COL27A1: variants seen among roughly 807,000 people sequenced by gnomAD.
COL27A1 encodes collagen alpha-1(XXVII) chain.
COL27A1 carries 106 observed loss-of-function variants against 251.3 expected under a neutral mutation model. The observed-to-expected ratio is 0.42, with a 90% CI of 0.36 to 0.50. The LOEUF (loss-of-function observed/expected upper bound fraction) is 0.50, where lower values mean the gene tolerates loss of function less well. Among genes scored for constraint, COL27A1 ranks in the 20% least tolerant of loss-of-function variants. The pLI is 0.00. For missense variants in COL27A1, 2,325 were observed against 2,522.8 expected (o/e 0.92, Z 1.68); for synonymous variants, 1,000 against 986.3 (o/e 1.01, Z -0.26).
chr9:114,257,370 G>A (rs1437758443), intron 27 of COL27A1, among the ~76,000 whole-genome samples: 2 of 151,544 alleles, frequency 1.3e-5, no homozygotes, highest in Admixed American at 6.6e-5. Flanking sequence ...CGGGGTGGGG[G>A]CGGGGGAGAC....
chr9:114,262,382 C>T (rs990864877), intron 28 of COL27A1, among the ~76,000 whole-genome samples: 2 of 152,212 alleles, frequency 1.3e-5, no homozygotes, highest in Admixed American at 1.3e-4. Flanking sequence ...AGGGGTTCAT[C>T]AAACTGCAGC....
At chr9:114,261,318 A>G (rs1289266293) in intron 28 of COL27A1, among the ~76,000 whole-genome samples, 1 of 152,218 alleles carries the variant, frequency 6.6e-6, no homozygotes, top group Admixed American at 6.5e-5. Context: ...CGGATACAAG[A>G]GAGCAGACAG....
chr9:114,258,927 G>A (rs1304126011), intron 28 of COL27A1, among the ~76,000 whole-genome samples: 1 of 152,234 alleles, frequency 6.6e-6, no homozygotes, highest in Non-Finnish European at 1.5e-5. Flanking sequence ...GTATAGTGGT[G>A]AACAGGACAG....
chr9:114,219,485 C>T (rs915089690), intron 12 of COL27A1, among the ~76,000 whole-genome samples: 5 of 152,208 alleles, frequency 3.3e-5, no homozygotes, highest in Non-Finnish European at 5.9e-5. Context: ...TGCCCCTAGT[C>T]TCTGTCTTTC....
chr9:114,256,468 G>A (rs1031952391), intron 27 of COL27A1, among the ~76,000 whole-genome samples: 7 of 152,180 alleles, frequency 4.6e-5, no homozygotes, highest in African/African-American at 1.7e-4. Context: ...ACTCCAGCCT[G>A]GGCGACAGAG....
intron 3 of COL27A1, among the ~76,000 whole-genome samples, chr9:114,170,934 C>G (rs557363931): frequency 6.6e-6 from 1 of 152,300 alleles, no homozygotes; most frequent in East Asian, 1.9e-4. Context: ...TGGTGAGGTC[C>G]ATGGTCTCAA....
intron 36 of COL27A1, among the ~76,000 whole-genome samples, chr9:114,274,508 T>C (rs917039006): frequency 6.6e-6 from 1 of 152,176 alleles, no homozygotes; most frequent in Admixed American, 6.5e-5. Flanking sequence ...TTAAGTCAGT[T>C]AATAGATGTT....
intron 58 of COL27A1, 67 bp downstream of exon 58, chr9:114,306,755 G>T: frequency 6.4e-7 from 1 of 1,555,632 alleles, no homozygotes; most frequent in South Asian, 1.2e-5. Context: ...TGGAGTATTT[G>T]ATTTCCGCCG....
chr9:114,307,738 A>G lies in COL27A1; in HGVS notation c.5177A>G (p.His1726Arg), dbSNP rs200848931. Residue 1726 changes from histidine (H) to arginine (R), a missense_variant, in exon 59 of 61, where the codon CAT becomes CGT. Transcript: ENST00000356083. Reference protein sequence around the residue: ...DTIEVSCNFTHGGQTCLKPIT... With the variant: ...DTIEVSCNFTRGGQTCLKPIT... ...ATCGAGGTCTCCTGCAACTTCACTC[A>G]TGGTGGACAGACGTGTCTCAAGCCC... is the stretch of plus-strand genomic sequence containing the variant. 2.3e-4 allele frequency: 370 copies of G among 1,613,960 alleles called. No homozygotes were observed. The highest frequency in any genetic ancestry group is 3.0e-4 in the Non-Finnish European group (350 of 1,179,996).
At chr9:114,275,598 C>G in intron 36 of COL27A1, 63 bp from the exon 37 acceptor site, 2 of 1,159,092 alleles carry the variant, frequency 1.7e-6, no homozygotes, top group Non-Finnish European at 1.2e-6. Context: ...TTTGGGGCCT[C>G]TGATGCACTT....
intron 5 of COL27A1, among the ~76,000 whole-genome samples, chr9:114,186,674 C>T (rs546800546): frequency 8.5e-5 from 13 of 152,096 alleles, no homozygotes; most frequent in African/African-American, 1.4e-4. Context: ...TGGTAGTTTG[C>T]GGTATGATTT....
intron 1 of COL27A1, among the ~76,000 whole-genome samples, chr9:114,161,063 G>A (rs770864471): frequency 6.6e-6 from 1 of 152,130 alleles, no homozygotes; most frequent in African/African-American, 2.4e-5. Context: ...TCAAGGAAGA[G>A]CAGTACTAGG....
At chr9:114,172,468 G>A (rs1248730854) in intron 3 of COL27A1, among the ~76,000 whole-genome samples, 1 of 152,150 alleles carries the variant, frequency 6.6e-6, no homozygotes, top group Non-Finnish European at 1.5e-5. Flanking sequence ...ACCTCTGGTG[G>A]GGAGGGTGGC....
At position 114,300,003 on chromosome 9, in the gene COL27A1, C is replaced by T. The variant is rs1433711819; in HGVS notation, c.4585-67C>T. On this transcript the variant is annotated intron_variant, in intron 49 of 60. Transcript: ENST00000356083. Reference sequence around the variant, plus strand: ...GAGGGAAAAGGCAGGCCCTGAGGTCCCAGGTGGCTGGCGGGACACGCTGAC... The same window carrying T: ...GAGGGAAAAGGCAGGCCCTGAGGTCTCAGGTGGCTGGCGGGACACGCTGAC... 7.9e-6 allele frequency: 12 copies of T among 1,518,396 alleles called. No homozygotes were observed. In the Admixed American group the frequency reaches 1.5e-4, roughly 19 times the overall value. 94.1% of individuals were successfully genotyped at this position (1,518,396 alleles called of 1,614,324 possible). A position where few individuals can be genotyped will look rare whatever the true frequency, so the allele number is the denominator to read the frequency against.
intron 28 of COL27A1, among the ~76,000 whole-genome samples, chr9:114,262,376 G>A (rs1395747900): frequency 1.3e-5 from 2 of 152,184 alleles, no homozygotes; most frequent in Non-Finnish European, 2.9e-5. Flanking sequence ...TTGTTTAGGG[G>A]TTCATCAAAC....
rs377081054 is a variant in COL27A1 at position 114,187,063 on chromosome 9, G to A, written c.2016+3988G>A. Among the ~76,000 whole-genome samples, 17 of 152,338 alleles carry A rather than the reference G, an allele frequency of 1.1e-4. No homozygotes were observed. The East Asian group carries it at 1.7e-3, about 16-fold the overall frequency. On this transcript the variant is annotated intron_variant, in intron 5 of 60. Coordinates refer to ENST00000356083, the MANE Select transcript of COL27A1 (RefSeq NM_032888.4). ...TGCAGTGAACTAGCCAGGATGATAT[G>A]GCCCTCAGACACTGGGAAGGAGATG...
chr9:114,265,356 T>C (rs1834666389), intron 31 of COL27A1, 66 bp from the exon 32 acceptor site: 1 of 1,540,044 alleles, frequency 6.5e-7, no homozygotes, highest in Non-Finnish European at 8.9e-7. Context: ...GATGGCTTGC[T>C]TGAAATCAAG....
chr9:114,166,763 A>G (rs1396830652), intron 2 of COL27A1, among the ~76,000 whole-genome samples: 1 of 152,196 alleles, frequency 6.6e-6, no homozygotes, highest in African/African-American at 2.4e-5. Context: ...CCTTTCCATA[A>G]ACACTCTGGA....
At chr9:114,241,396 G>A (rs752879915) in intron 21 of COL27A1, among the ~76,000 whole-genome samples, 15 of 152,250 alleles carry the variant, frequency 9.9e-5, no homozygotes, top group Non-Finnish European at 1.5e-4. Flanking sequence ...GCCACCACGT[G>A]GAGCTGCTTT....
Sources: gnomAD v4.1 joint callset for allele counts (sites outside exome capture counted in the v4.1 genomes callset) on GRCh38, gnomAD v4.1.1 for gene constraint, MANE v1.5 for transcripts, NCBI Gene and HGNC (gene_info 2026-07-23, HGNC 2026-07-21) for gene names.